GNA11: variants seen among roughly 807,000 people sequenced by gnomAD.
The protein encoded by GNA11 is G protein subunit alpha 11, also known as guanine nucleotide-binding protein subunit alpha-11.
A neutral mutation model predicts 38.2 loss-of-function variants in GNA11; 8 were observed. The observed-to-expected ratio is 0.21, with a 90% confidence interval of 0.12 to 0.38. GNA11 has a LOEUF of 0.38. Ranked by LOEUF, GNA11 falls within the 10% of genes least tolerant of loss-of-function variation. GNA11 has a pLI of 1.00. For missense variants in GNA11, 268 were observed against 516.3 expected, an observed-to-expected ratio of 0.52 and a Z score of 4.66; for synonymous variants, 211 against 221.4, an observed-to-expected ratio of 0.95 and a Z score of 0.42.
Position 3,120,257 on chromosome 19 carries a change from C to G in GNA11, c.890-732C>G, listed in dbSNP as rs1411686416. ...GGCGCAGGGCCCTGCTGTCCCTGGG[C>G]AGGGGAGTGGCGGGGGGCGCTGCAC... On this transcript the variant is annotated intron_variant, in intron 6 of 6. Transcript: ENST00000078429. The surrounding 1 kb of genome is among the most constrained non-coding windows in gnomAD (Gnocchi z 5.9). Among the ~76,000 whole-genome samples the G allele has an allele frequency of 6.6e-6, 1 of 151,776 alleles. No individual in the cohort carries two copies. The highest frequency in any genetic ancestry group is 6.6e-5 in the Admixed American group (1 of 15,264).
At chr19:3,106,683 G>C (rs1034419340) in intron 1 of GNA11, among the ~76,000 whole-genome samples, 1 of 152,246 alleles carries the variant, frequency 6.6e-6, no homozygotes. Flanking sequence ...CGGGCTGCAT[G>C]TGTGTGTACA....
chr19:3,118,610 C>T (rs1393295245), intron 4 of GNA11: 1 of 338,482 alleles, frequency 3.0e-6, no homozygotes, highest in Non-Finnish European at 5.5e-6. Context: ...CCCTGGGCAC[C>T]CATCGCAGGT....
intron 4 of GNA11, chr19:3,118,091 C>CCAGGT (rs1913970039): frequency 6.6e-6 from 1 of 152,356 alleles, no homozygotes; most frequent in Admixed American, 6.5e-5. Context: ...GCAGACCAGA[C>CCAGGT]CAGGTGGATT....
At chr19:3,103,241 TCTCA>T (rs1442256360) in intron 1 of GNA11, among the ~76,000 whole-genome samples, 4 of 151,948 alleles carry the variant, frequency 2.6e-5, no homozygotes, top group Non-Finnish European at 5.9e-5. Flanking sequence ...TGAGAGAGAG[TCTCA>T]CTCTGTTGCC....
chr19:3,114,078 C>G (rs1489386685), intron 3 of GNA11, among the ~76,000 whole-genome samples: 1 of 152,162 alleles, frequency 6.6e-6, no homozygotes, highest in Non-Finnish European at 1.5e-5. Context: ...CCGGCCCTCC[C>G]CCAGCACCGG....
At chr19:3,109,781 C>T (rs1433618114) in intron 1 of GNA11, among the ~76,000 whole-genome samples, 4 of 152,302 alleles carry the variant, frequency 2.6e-5, no homozygotes, top group East Asian at 1.9e-4. Context: ...CATGAACTGG[C>T]GTGACCGTGG....
rs1166674142 is a variant in GNA11 at position 3,123,487 on chromosome 19, TG to T, written c.*2312del. 4.3e-6 allele frequency: 1 copy of T among 233,128 alleles called. No individual in the cohort carries two copies. Among genetic ancestry groups the T allele is most frequent in the African/African-American group, 2.2e-5 (1 of 45,364 alleles). The allele number at this position is 233,128 out of a possible 1,614,324, so 14.4% of individuals were successfully genotyped here. ...AGCCAACCCCCACCCTTGCCACGTG[TG>T]GGGCCACGTGGGCATGTGGGGTGTG... On this transcript the variant is annotated 3_prime_UTR_variant, in exon 7 of 7. Coordinates refer to ENST00000078429, the MANE Select transcript of GNA11 (RefSeq NM_002067.5).
Position 3,118,948 on chromosome 19 carries a change from G to A in GNA11, c.630G>A (p.Arg210=), listed in dbSNP as rs2145325995. 1 of 1,613,856 alleles carries A rather than the reference G, an allele frequency of 6.2e-7. No individual in the cohort carries two copies. The highest frequency in any genetic ancestry group is 1.1e-5 in the South Asian group (1 of 91,090). ...GGATGGTGGATGTGGGGGGCCAGCGGTCGGAGCGGAGGAAGTGGATCCACT... is the reference window on the plus strand; with the variant it reads ...GGATGGTGGATGTGGGGGGCCAGCGATCGGAGCGGAGGAAGTGGATCCACT... The part of the protein sequence containing the change: ...IFRMVDVGGQ[R]SERRKWIHCF... The change falls in exon 5 of 7, where the codon CGG becomes CGA. Residue 210 remains arginine, a synonymous_variant. Coordinates refer to ENST00000078429, the MANE Select transcript of GNA11 (RefSeq NM_002067.5).
chr19:3,094,778 C>T lies in GNA11; in HGVS notation c.127C>T (p.Leu43=). The T allele has an allele frequency of 6.3e-7, 1 of 1,583,586 alleles. No homozygotes were observed. The highest frequency in any genetic ancestry group is 8.6e-7 in the Non-Finnish European group (1 of 1,167,182). The change falls in exon 1 of 7, where the codon CTG becomes TTG. Residue 43 remains leucine (L), a synonymous_variant. Coordinates refer to ENST00000078429, the MANE Select transcript of GNA11 (RefSeq NM_002067.5). The surrounding 1 kb of genome is among the most constrained non-coding windows in gnomAD (Gnocchi z 6.0). ...KRDARRELKL[L]LLGTGESGKS... ...CGACGCCCGGCGCGAGCTCAAGCTGCTGCTGCTCGGTGAGTGCGGCCCCCG... is the reference window on the plus strand; with the variant it reads ...CGACGCCCGGCGCGAGCTCAAGCTGTTGCTGCTCGGTGAGTGCGGCCCCCG...
chr19:3,109,715 C>T (rs551979671), intron 1 of GNA11, among the ~76,000 whole-genome samples: 105 of 152,274 alleles, frequency 6.9e-4, no homozygotes, highest in Middle Eastern at 6.8e-3. Flanking sequence ...GGGGTGAGTC[C>T]GTCTGTCAGG....
At chr19:3,112,897 T>A (rs1390470055) in intron 2 of GNA11, among the ~76,000 whole-genome samples, 1 of 152,192 alleles carries the variant, frequency 6.6e-6, no homozygotes. Flanking sequence ...TGCCTCCCGG[T>A]GTGTCTGGAG....
Position 3,094,865 on chromosome 19 carries a change from G to A in GNA11, c.136+78G>A, listed in dbSNP as rs908677272. ...GCCCTGCCTGTCCGGGTCGGGCCGG[G>A]ACCCTCCGGGGTCAGCCCTGCCTGT... On this transcript the variant is annotated intron_variant, in intron 1 of 6. Coordinates refer to ENST00000078429, the MANE Select transcript of GNA11 (RefSeq NM_002067.5). This position sits in a 1 kb window ranked among gnomAD's most constrained non-coding sequence, Gnocchi z 6.0. 13 of 1,154,694 alleles carry A rather than the reference G, an allele frequency of 1.1e-5. No individual in the cohort carries two copies. The Admixed American group carries it at 3.3e-4, about 29-fold the overall frequency. 71.5% of individuals were successfully genotyped at this position (1,154,694 alleles called of 1,614,324 possible).
At position 3,099,190 on chromosome 19, in the gene GNA11, G is replaced by A. The variant is rs113280864; in HGVS notation, c.136+4403G>A. 3.5e-3 allele frequency among the ~76,000 whole-genome samples: 534 copies of A among 152,272 alleles called. 1 individual carries two copies. The highest frequency in any genetic ancestry group is 0.012 in the African/African-American group (505 of 41,572). ...GGTTGGAGAGGTGTGTGGTGGAGTC[G>A]GACGGATCTTAGAGGGGCGCTCGCG... On this transcript the variant is annotated intron_variant, in intron 1 of 6. Coordinates refer to ENST00000078429, the MANE Select transcript of GNA11 (RefSeq NM_002067.5).
At chr19:3,100,305 C>A (rs956524825) in intron 1 of GNA11, among the ~76,000 whole-genome samples, 24 of 152,206 alleles carry the variant, frequency 1.6e-4, no homozygotes, top group Non-Finnish European at 1.9e-4. Flanking sequence ...TTGTGACAAC[C>A]ACAGAAGTCC....
At chr19:3,098,155 A>T (rs1913418121) in intron 1 of GNA11, among the ~76,000 whole-genome samples, 1 of 152,348 alleles carries the variant, frequency 6.6e-6, no homozygotes, top group Non-Finnish European at 1.5e-5. Flanking sequence ...ATGTGAATGC[A>T]TGTATTGTTT....
At chr19:3,111,736 C>A (rs146502266) in intron 2 of GNA11, among the ~76,000 whole-genome samples, 2 of 152,244 alleles carry the variant, frequency 1.3e-5, no homozygotes, top group Admixed American at 6.5e-5. Context: ...CTCTGAGAAG[C>A]GTCCAGAGAG....
intron 3 of GNA11, among the ~76,000 whole-genome samples, chr19:3,113,796 TG>T (rs1913840830): frequency 6.6e-6 from 1 of 152,058 alleles, no homozygotes; most frequent in East Asian, 1.9e-4. Context: ...CTGTGGCCTG[TG>T]GGGGAAACCC....
At chr19:3,097,273 C>G (rs755960624) in intron 1 of GNA11, among the ~76,000 whole-genome samples, 1 of 152,162 alleles carries the variant, frequency 6.6e-6, no homozygotes, top group Non-Finnish European at 1.5e-5. Context: ...GGTCCTGGCA[C>G]TCCGCAGGAG....
At chr19:3,101,560 G>A (rs748904924) in intron 1 of GNA11, among the ~76,000 whole-genome samples, 1 of 72 alleles carries the variant, frequency 0.014, no homozygotes, top group Non-Finnish European at 0.029. Context: ...TGGAGAGGGG[G>A]CCTGGGCTCC....
Sources: allele counts gnomAD v4.1 joint callset (sites outside exome capture counted in the v4.1 genomes callset), GRCh38; gene constraint gnomAD v4.1.1; non-coding constraint Gnocchi (gnomAD v3.1); transcripts MANE v1.5; gene names NCBI Gene and HGNC (gene_info 2026-07-23, HGNC 2026-07-21).